The following MALRD1 variants were observed in gnomAD, a reference collection of about 807,000 sequenced individuals.
The protein encoded by MALRD1 is MAM and LDL-receptor class A domain-containing protein 1.
MALRD1 carries 247 observed loss-of-function variants against 242.1 expected under a neutral mutation model. The observed-to-expected ratio is 1.02, with a 90% CI of 0.92 to 1.13. The LOEUF is 1.13. Ranked by LOEUF, MALRD1 falls within the 50% of genes most tolerant of loss-of-function variation. The pLI, the probability that MALRD1 is intolerant of heterozygous loss-of-function variation, is 0.00. For missense variants in MALRD1, 2,989 were observed against 2,533.1 expected (o/e 1.18, Z -3.86); for synonymous variants, 995 against 866.6 (o/e 1.15, Z -2.60).
intron 38 of MALRD1, among the ~76,000 whole-genome samples, chr10:19,720,293 G>A (rs954168691): frequency 2.6e-5 from 4 of 152,106 alleles, no homozygotes; most frequent in Non-Finnish European, 5.9e-5. Flanking sequence ...TCTTGGCATC[G>A]TTTCAGCCTG....
At chr10:19,685,683 T>C (rs1842553598) in intron 36 of MALRD1, among the ~76,000 whole-genome samples, 1 of 152,198 alleles carries the variant, frequency 6.6e-6, no homozygotes, top group South Asian at 2.1e-4. Context: ...TATCAATTGA[T>C]TTTATCCCTA....
chr10:19,185,421 A>G (rs1343537109), intron 14 of MALRD1, among the ~76,000 whole-genome samples: 3 of 151,730 alleles, frequency 2.0e-5, no homozygotes, highest in African/African-American at 7.3e-5. Context: ...ACTCATGAGA[A>G]AAAAAAAACA....
At chr10:19,073,939 G>A (rs1422763721) in intron 2 of MALRD1, among the ~76,000 whole-genome samples, 1 of 152,122 alleles carries the variant, frequency 6.6e-6, no homozygotes, top group Non-Finnish European at 1.5e-5. Context: ...ATAGTTGAAA[G>A]ATGAGCAGTA....
intron 19 of MALRD1, among the ~76,000 whole-genome samples, chr10:19,266,853 T>G (rs905682211): frequency 6.6e-6 from 1 of 152,024 alleles, no homozygotes. Flanking sequence ...CGGTGAGGAA[T>G]GATGACAAAG....
At chr10:19,607,398 C>G (rs902507096) in intron 34 of MALRD1, among the ~76,000 whole-genome samples, 2 of 152,074 alleles carry the variant, frequency 1.3e-5, no homozygotes, top group African/African-American at 4.8e-5. Flanking sequence ...CTTCACGTAG[C>G]CTTTCCTGTA....
In MALRD1 at chr10:19,400,984, C is replaced by A. The variant is rs111405472; in HGVS notation, c.4845+11375C>A. On this transcript the variant is annotated intron_variant, in intron 28 of 39. Transcript: ENST00000454679. ...TGAGCCAAGATTGTGCCACTGCACT[C>A]TAGCCTGGATGACAGAGGGAGACTA... is the stretch of plus-strand genomic sequence containing the variant. Among the ~76,000 whole-genome samples the A allele has an allele frequency of 1.1e-3, 168 of 151,902 alleles. 1 individual carries two copies. The highest frequency in any genetic ancestry group is 4.0e-3 in the African/African-American group (165 of 41,412).
chr10:19,515,481 G>T (rs1221526757), intron 31 of MALRD1, among the ~76,000 whole-genome samples: 1 of 151,536 alleles, frequency 6.6e-6, no homozygotes, highest in African/African-American at 2.4e-5. Context: ...TCCTTTCAAG[G>T]TTTTCTTTTA....
Position 19,450,355 on chromosome 10 carries a change from G to A in MALRD1, c.4894G>A (p.Gly1632Ser). The change falls in exon 29 of 40, where the codon GGT (glycine) becomes AGT (serine). Residue 1632 changes from glycine (G) to serine (S), a missense_variant. Gly to Ser is a moderately conservative substitution (Grantham distance 56). Coordinates refer to ENST00000454679, the MANE Select transcript of MALRD1 (RefSeq NM_001142308.3). The part of the protein sequence containing the change: ...KVWQESKQNP[G>S]NHWQKADILL... ...ATGGCAAGAAAGTAAGCAGAACCCTGGTAATCATTGGCAAAAGGCTGACAT... is the reference window on the plus strand; with the variant it reads ...ATGGCAAGAAAGTAAGCAGAACCCTAGTAATCATTGGCAAAAGGCTGACAT... The A allele has an allele frequency of 1.3e-6, 2 of 1,549,616 alleles. No individual in the cohort carries two copies. The highest frequency in any genetic ancestry group is 1.7e-6 in the Non-Finnish European group (2 of 1,146,908).
chr10:19,366,479 C>G (rs1417710015), intron 26 of MALRD1, among the ~76,000 whole-genome samples: 2 of 152,122 alleles, frequency 1.3e-5, no homozygotes, highest in Non-Finnish European at 2.9e-5. Flanking sequence ...TGGCCAGTTC[C>G]TAACAGGCTA....
chr10:19,659,311 G>C (rs1340902293), intron 36 of MALRD1, among the ~76,000 whole-genome samples: 1 of 152,100 alleles, frequency 6.6e-6, no homozygotes, highest in African/African-American at 2.4e-5. Flanking sequence ...AATGAGGTAA[G>C]ACTTACAATA....
At chr10:19,099,269 A>G (rs550558887) in intron 4 of MALRD1, among the ~76,000 whole-genome samples, 45 of 152,238 alleles carry the variant, frequency 3.0e-4, no homozygotes, top group African/African-American at 1.0e-3. Context: ...GCTTTTTGGT[A>G]GAAGGGAAGC....
intron 29 of MALRD1, among the ~76,000 whole-genome samples, chr10:19,477,206 T>G (rs954898465): frequency 2.0e-5 from 3 of 152,146 alleles, no homozygotes; most frequent in African/African-American, 7.2e-5. Context: ...CAGCTGAAAA[T>G]GATACTTTTA....
In MALRD1 at chr10:19,138,437, TG is replaced by T. The variant is rs67610090; in HGVS notation, c.1411+1660del. 5.0e-3 allele frequency among the ~76,000 whole-genome samples: 738 copies of T among 146,738 alleles called. 10 individuals are homozygous for T. The highest frequency in any genetic ancestry group is 0.014 in the Middle Eastern group (4 of 280). ...CACGTATTTAATTTTTTTTTTTTTT[TG>T]GGGACAGAGTCTTGCTCTGTCACCC... On this transcript the variant is annotated intron_variant, in intron 10 of 39. Coordinates refer to ENST00000454679, the MANE Select transcript of MALRD1 (RefSeq NM_001142308.3).
At chr10:19,195,886 C>T (rs781603615) in intron 14 of MALRD1, among the ~76,000 whole-genome samples, 1 of 152,188 alleles carries the variant, frequency 6.6e-6, no homozygotes, top group Non-Finnish European at 1.5e-5. Flanking sequence ...TTCCCCCGCC[C>T]TCCTCAATGA....
chr10:19,562,901 A>T (rs1836052639), intron 32 of MALRD1, among the ~76,000 whole-genome samples: 1 of 152,196 alleles, frequency 6.6e-6, no homozygotes, highest in Non-Finnish European at 1.5e-5. Context: ...TTCATTGCAA[A>T]GTCACTTCCC....
At chr10:19,490,340 A>G (rs375359598) in intron 29 of MALRD1, among the ~76,000 whole-genome samples, 1 of 152,128 alleles carries the variant, frequency 6.6e-6, no homozygotes, top group Non-Finnish European at 1.5e-5. Flanking sequence ...AATACATTAG[A>G]CATTTAAATA....
chr10:19,066,575 G>A, intron 1 of MALRD1, 144 bp from the exon 2 acceptor site: 1 of 605,242 alleles, frequency 1.7e-6, no homozygotes. Flanking sequence ...AGCTTTGCAT[G>A]AATAAAGTAG....
At chr10:19,144,954 G>A (rs1156848144) in intron 10 of MALRD1, among the ~76,000 whole-genome samples, 2 of 152,232 alleles carry the variant, frequency 1.3e-5, no homozygotes, top group African/African-American at 2.4e-5. Flanking sequence ...TCAAAACTAT[G>A]GGTGTTTTCT....
intron 2 of MALRD1, among the ~76,000 whole-genome samples, chr10:19,068,337 G>A (rs1295717283): frequency 6.6e-6 from 1 of 150,782 alleles, no homozygotes; most frequent in East Asian, 1.9e-4. Flanking sequence ...ATTTTTAATT[G>A]CCTAGTCAAG....
Sources: allele counts gnomAD v4.1 joint callset (sites outside exome capture counted in the v4.1 genomes callset), GRCh38; gene constraint gnomAD v4.1.1; transcripts MANE v1.5; gene names NCBI Gene and HGNC (gene_info 2026-07-23, HGNC 2026-07-21).